Variants in TMEM178A observed in about 807,000 individuals in gnomAD.
The protein encoded by TMEM178A is transmembrane protein 178.
TMEM178A carries 12 observed loss-of-function variants against 29.1 expected under a neutral mutation model. That is an observed-to-expected ratio of 0.41 (90% CI 0.26 to 0.67). TMEM178A has a LOEUF of 0.67. Among genes scored for constraint, TMEM178A ranks in the 30% least tolerant of loss-of-function variants. The pLI is 0.29. For missense variants in TMEM178A, 366 were observed against 419.1 expected (o/e 0.87, Z 1.11); for synonymous variants, 210 against 187.2 (o/e 1.12, Z -0.99).
chr2:39,734,522 T>A, the TMEM178A span, among the ~76,000 whole-genome samples: 3 of 152,240 alleles, frequency 2.0e-5, no homozygotes, highest in African/African-American at 7.2e-5. Flanking sequence ...AAAATTCCCA[T>A]AATGTATCTC....
chr2:39,727,228 A>G, the TMEM178A span, among the ~76,000 whole-genome samples: 1 of 152,216 alleles, frequency 6.6e-6, no homozygotes, highest in African/African-American at 2.4e-5. Context: ...CACAGCAGCC[A>G]TTCAGGCAGG....
At chr2:39,708,142 C>T (rs1672120391) in intron 3 of TMEM178A, among the ~76,000 whole-genome samples, 1 of 152,148 alleles carries the variant, frequency 6.6e-6, no homozygotes, top group Non-Finnish European at 1.5e-5. Context: ...CAGGGAAGAT[C>T]TTGCTGAGGT....
intron 3 of TMEM178A, among the ~76,000 whole-genome samples, chr2:39,709,564 C>T (rs924527189): frequency 2.0e-4 from 31 of 152,176 alleles, no homozygotes; most frequent in African/African-American, 5.1e-4. Flanking sequence ...CTAAAGCAGA[C>T]GCGGGCAGCA....
chr2:39,708,708 C>T (rs376372179), intron 3 of TMEM178A, among the ~76,000 whole-genome samples: 4 of 152,012 alleles, frequency 2.6e-5, no homozygotes, highest in Non-Finnish European at 5.9e-5. Flanking sequence ...TGAGCCACCG[C>T]GCCCGGCCGA....
intron 1 of TMEM178A, among the ~76,000 whole-genome samples, chr2:39,692,130 T>C (rs926240040): frequency 5.9e-5 from 9 of 152,142 alleles, no homozygotes; most frequent in Admixed American, 2.6e-4. Context: ...GAGAATAGAA[T>C]GGTGGTTACC....
Position 39,666,235 on chromosome 2 carries a change from C to T in TMEM178A, c.261C>T (p.Pro87=), listed in dbSNP as rs1364682755. 3 of 1,348,458 alleles carry T rather than the reference C, an allele frequency of 2.2e-6. No homozygotes were observed. The highest frequency in any genetic ancestry group is 2.8e-6 in the Non-Finnish European group (3 of 1,057,888). 83.5% of individuals were successfully genotyped at this position (1,348,458 alleles called of 1,614,324 possible). Residue 87 remains proline, a synonymous_variant, in exon 1 of 4, where the codon CCC becomes CCT. Coordinates refer to ENST00000281961, the MANE Select transcript of TMEM178A (RefSeq NM_152390.3). ...CGGGCGGCCCGGGGCGCGCCGACCC[C>T]GAGTCCTGGCGCTCGCTCCTGGGGC... The part of the protein sequence containing the change: ...LLPGGPGRAD[P]ESWRSLLGLG...
chr2:39,674,038 A>G (rs1670511665), intron 1 of TMEM178A, among the ~76,000 whole-genome samples: 1 of 152,062 alleles, frequency 6.6e-6, no homozygotes, highest in Admixed American at 6.6e-5. Flanking sequence ...AGTTCTCACA[A>G]TTTTGAAAGC....
At chr2:39,669,550 T>C (rs1399138472) in intron 1 of TMEM178A, among the ~76,000 whole-genome samples, 2 of 152,204 alleles carry the variant, frequency 1.3e-5, no homozygotes, top group African/African-American at 2.4e-5. Context: ...CTTATTATGA[T>C]ACAAGTTCAC....
the TMEM178A span, among the ~76,000 whole-genome samples, chr2:39,724,719 A>C: frequency 6.6e-6 from 1 of 152,154 alleles, no homozygotes; most frequent in Non-Finnish European, 1.5e-5. Flanking sequence ...GGAAACTATA[A>C]TGGTCATCTC....
At chr2:39,727,037 A>C in the TMEM178A span, among the ~76,000 whole-genome samples, 1 of 152,144 alleles carries the variant, frequency 6.6e-6, no homozygotes, top group Non-Finnish European at 1.5e-5. Context: ...ATTTCCAACA[A>C]TCCATAATTT....
rs768008771 is a variant in TMEM178A at position 39,666,082 on chromosome 2, C to T, written c.108C>T (p.Pro36=). Residue 36 remains proline, a synonymous_variant, in exon 1 of 4, where the codon CCC becomes CCT. Coordinates refer to ENST00000281961, the MANE Select transcript of TMEM178A (RefSeq NM_152390.3). ...CCGACCACTGGTACGAGACCGACCC[C>T]CGGCGCCACAAGGAGAGCTGCGAGC... The part of the protein sequence containing the change: ...IFTDHWYETD[P]RRHKESCERS... The T allele has an allele frequency of 5.9e-5, 92 of 1,569,750 alleles. No individual in the cohort carries two copies. In the East Asian group the frequency reaches 2.3e-3, roughly 38 times the overall value.
chr2:39,717,097 C>A lies in TMEM178A; in HGVS notation c.740C>A (p.Pro247His). Residue 247 changes from proline to histidine, a missense_variant, in exon 4 of 4, where the codon CCT becomes CAT. Coordinates refer to ENST00000281961, the MANE Select transcript of TMEM178A (RefSeq NM_152390.3). The stretch of plus-strand genomic sequence containing the variant: ...CTCCCAAAGCTAATTTATAGCCTGC[C>A]TGCTGATGTGGAACATGGTTACAGC... ...NRLPKLIYSL[P>H]ADVEHGYSWS... is the part of the protein sequence containing the mutation. 6.2e-7 allele frequency: 1 copy of A among 1,612,328 alleles called. No individual in the cohort carries two copies. Among genetic ancestry groups the A allele is most frequent in the Non-Finnish European group, 8.5e-7 (1 of 1,179,810 alleles).
At chr2:39,706,697 G>T (rs1672051698) in intron 2 of TMEM178A, among the ~76,000 whole-genome samples, 1 of 151,792 alleles carries the variant, frequency 6.6e-6, no homozygotes, top group Non-Finnish European at 1.5e-5. Flanking sequence ...CATTTCTATT[G>T]TTCTGTTAAG....
intron 1 of TMEM178A, among the ~76,000 whole-genome samples, chr2:39,700,574 T>C (rs1257322757): frequency 6.6e-6 from 1 of 152,074 alleles, no homozygotes; most frequent in East Asian, 1.9e-4. Context: ...TTAAACTGTG[T>C]CTCATGTAGA....
At position 39,666,288 on chromosome 2, in the gene TMEM178A, G is replaced by T; in HGVS notation, c.314G>T (p.Arg105Leu). 2 of 1,416,532 alleles carry T rather than the reference G, an allele frequency of 1.4e-6. No individual in the cohort carries two copies. Among genetic ancestry groups the T allele is most frequent in the Non-Finnish European group, 1.8e-6 (2 of 1,084,272 alleles). The allele number at this position is 1,416,532 out of a possible 1,614,324, so 87.7% of individuals were successfully genotyped here. The change falls in exon 1 of 4, where the codon CGG becomes CTG. Residue 105 changes from arginine (R) to leucine (L), a missense_variant. Physicochemically the swap from Arg to Leu is moderately radical, Grantham distance 102. This residue lies in a region of TMEM178A where 247 missense variants were observed against 246.8 expected (regional missense o/e 1.00). Coordinates refer to ENST00000281961, the MANE Select transcript of TMEM178A (RefSeq NM_152390.3). ...GLGGLDAECG[R>L]PLFATYSGLW... ...GGCGGGCTGGACGCCGAGTGCGGCC[G>T]GCCCCTCTTCGCCACCTACTCGGGC...
chr2:39,694,158 G>GTAATAATAA (rs1398609291), intron 1 of TMEM178A, among the ~76,000 whole-genome samples: 3 of 98,102 alleles, frequency 3.1e-5, no homozygotes, highest in Non-Finnish European at 4.1e-5. Context: ...AATAGTAGTA[G>GTAATAATAA]TAGTAATAAT....
intron 1 of TMEM178A, among the ~76,000 whole-genome samples, chr2:39,672,332 C>T (rs1276495049): frequency 6.6e-6 from 1 of 152,102 alleles, no homozygotes; most frequent in East Asian, 1.9e-4. Flanking sequence ...CACTATGTTT[C>T]ATGGATAACA....
intron 1 of TMEM178A, among the ~76,000 whole-genome samples, chr2:39,670,565 C>A (rs1670371267): frequency 6.6e-6 from 1 of 152,208 alleles, no homozygotes; most frequent in Non-Finnish European, 1.5e-5. Context: ...TCACATGCAG[C>A]ATCCTTTAGG....
chr2:39,676,954 G>A (rs1290830895), intron 1 of TMEM178A, among the ~76,000 whole-genome samples: 9 of 152,166 alleles, frequency 5.9e-5, no homozygotes, highest in Admixed American at 5.9e-4. Flanking sequence ...TAGAGATTCA[G>A]AGATGGCATG....
Sources: gnomAD v4.1 joint callset for allele counts (sites outside exome capture counted in the v4.1 genomes callset) on GRCh38, gnomAD v4.1.1 for gene constraint, gnomAD v4.1.1 regional missense constraint, MANE v1.5 for transcripts, NCBI Gene and HGNC (gene_info 2026-07-23, HGNC 2026-07-21) for gene names.